Variants in ADAM12 observed in about 807,000 individuals in gnomAD.
ADAM12 encodes ADAM metallopeptidase domain 12, also known as disintegrin and metalloproteinase domain-containing protein 12.
Under a neutral mutation model 106.4 loss-of-function variants are expected in ADAM12, and 70 were observed. That is an observed-to-expected ratio of 0.66 (90% confidence interval 0.54 to 0.80). The LOEUF is 0.80. Among genes scored for constraint, ADAM12 ranks in the 30% least tolerant of loss-of-function variants. ADAM12 has a pLI of 0.00. For synonymous variants in ADAM12, 420 were observed against 433.5 expected, an observed-to-expected ratio of 0.97 and a Z score of 0.39; for missense variants, 1,010 against 1,171.9, an observed-to-expected ratio of 0.86 and a Z score of 2.02.
intron 3 of ADAM12, among the ~76,000 whole-genome samples, chr10:126,158,539 G>GGA (rs200938080): frequency 5.2e-5 from 1 of 19,116 alleles, no homozygotes; most frequent in East Asian, 4.3e-3. Context: ...CACAGAGCAC[G>GGA]GGGAGGATGC....
chr10:126,332,336 C>T (rs540131459), intron 1 of ADAM12, among the ~76,000 whole-genome samples: 108 of 152,348 alleles, frequency 7.1e-4, no homozygotes, highest in Non-Finnish European at 7.6e-4. Flanking sequence ...AGGCTTGCCT[C>T]TCTCTCCGTC....
intron 3 of ADAM12, among the ~76,000 whole-genome samples, chr10:126,267,164 C>T (rs1959112981): frequency 6.6e-6 from 1 of 152,100 alleles, no homozygotes; most frequent in Admixed American, 6.6e-5. Context: ...TAGAAAGAGT[C>T]CAGGGAAGTC....
intron 5 of ADAM12, among the ~76,000 whole-genome samples, chr10:126,123,698 A>T (rs886298947): frequency 1.3e-5 from 2 of 152,114 alleles, no homozygotes; most frequent in Non-Finnish European, 2.9e-5. Flanking sequence ...CCCAGGCGGG[A>T]CCTGTGTGCC....
In ADAM12 at chr10:126,041,539, C is replaced by T. The variant is rs116868195; in HGVS notation, c.2104+1501G>A. 7.7e-4 allele frequency: 762 copies of T among 985,804 alleles called. 9 individuals are homozygous for T. In the East Asian group the frequency reaches 0.021, roughly 27 times the overall value. 61.1% of individuals were successfully genotyped at this position (985,804 alleles called of 1,614,324 possible). Reference sequence around the variant, plus strand: ...TCCACAGCAAAGAGCCAGAGTTCACCGCCCTTTCTCCTACCTTCTTCTCCA... The same window carrying T: ...TCCACAGCAAAGAGCCAGAGTTCACTGCCCTTTCTCCTACCTTCTTCTCCA... On this transcript the variant is annotated intron_variant, in intron 18 of 22. Transcript: ENST00000448723.
chr10:126,311,918 A>C (rs1961117021), intron 2 of ADAM12, among the ~76,000 whole-genome samples: 2 of 152,076 alleles, frequency 1.3e-5, no homozygotes, highest in Non-Finnish European at 2.9e-5. Context: ...TGAGCCTGAC[A>C]AGGGGGTCAT....
intron 1 of ADAM12, among the ~76,000 whole-genome samples, chr10:126,332,765 C>T (rs1393479865): frequency 1.3e-5 from 2 of 152,040 alleles, no homozygotes; most frequent in Non-Finnish European, 1.5e-5. Context: ...AGGGAAATCA[C>T]ATGATGTGTG....
chr10:126,044,053 T>C (rs528324813), intron 17 of ADAM12, among the ~76,000 whole-genome samples: 1 of 152,296 alleles, frequency 6.6e-6, no homozygotes, highest in South Asian at 2.1e-4. Flanking sequence ...GACTCGCTAT[T>C]ATGCCAGATG....
At chr10:126,149,090 G>A (rs1674906) in intron 4 of ADAM12, among the ~76,000 whole-genome samples, 12,337 of 152,216 alleles carry the variant, frequency 0.081, 1,284 homozygotes, top group East Asian at 0.49. Context: ...GGGGAGGACC[G>A]GGGGAAGACG....
At chr10:126,067,497 A>G (rs1447529893) in intron 12 of ADAM12, among the ~76,000 whole-genome samples, 2 of 152,256 alleles carry the variant, frequency 1.3e-5, no homozygotes, top group Non-Finnish European at 2.9e-5. Context: ...CCTCTCTGAA[A>G]CAAAAGTGAG....
chr10:126,135,989 T>C (rs904121498), intron 4 of ADAM12, among the ~76,000 whole-genome samples: 3 of 152,194 alleles, frequency 2.0e-5, no homozygotes, highest in South Asian at 2.1e-4. Flanking sequence ...CATTTTACCC[T>C]CATGTAAATT....
chr10:126,354,302 ATT>A (rs1191839066), intron 1 of ADAM12, among the ~76,000 whole-genome samples: 1 of 152,128 alleles, frequency 6.6e-6, no homozygotes, highest in Non-Finnish European at 1.5e-5. Flanking sequence ...CCTAGAATAT[ATT>A]TTGCAATAAT....
rs930922516 is a variant in ADAM12, at chr10:126,064,266, C to T, written c.1609+540G>A. 1.3e-5 allele frequency among the ~76,000 whole-genome samples: 2 copies of T among 152,180 alleles called. No homozygotes were observed. The highest frequency in any genetic ancestry group is 4.8e-5 in the African/African-American group (2 of 41,444). ...CAGGCCTTCTGATTACAGACACACTCATGCTTCAAGTCTGATCAGGGCCTT... is the reference window on the plus strand; with the variant it reads ...CAGGCCTTCTGATTACAGACACACTTATGCTTCAAGTCTGATCAGGGCCTT... On this transcript the variant is annotated intron_variant, in intron 14 of 22. Transcript: ENST00000448723. This position sits in a 1 kb window ranked among gnomAD's most constrained non-coding sequence, Gnocchi z 4.4.
At chr10:126,106,120 C>T (rs1320980769) in intron 8 of ADAM12, among the ~76,000 whole-genome samples, 1 of 152,128 alleles carries the variant, frequency 6.6e-6, no homozygotes, top group African/African-American at 2.4e-5. Flanking sequence ...AACTGGCGGT[C>T]ATGTGGTCTC....
At chr10:126,060,788 C>T (rs897372549) in intron 14 of ADAM12, among the ~76,000 whole-genome samples, 2 of 152,214 alleles carry the variant, frequency 1.3e-5, no homozygotes, top group Admixed American at 1.3e-4. Context: ...TCCGCCCTCC[C>T]CTCCAGATCC....
intron 3 of ADAM12, among the ~76,000 whole-genome samples, chr10:126,176,728 T>A (rs1313362335): frequency 6.6e-6 from 1 of 152,060 alleles, no homozygotes; most frequent in African/African-American, 2.4e-5. Context: ...AAATAAAAAC[T>A]TAATTCCTAA....
chr10:126,044,285 A>AG (rs1344422760), intron 17 of ADAM12, among the ~76,000 whole-genome samples: 1 of 151,898 alleles, frequency 6.6e-6, no homozygotes, highest in Non-Finnish European at 1.5e-5. Flanking sequence ...AGATAAAAAA[A>AG]AAAAAAGTTA....
At chr10:126,183,454 A>G (rs376381814) in intron 3 of ADAM12, among the ~76,000 whole-genome samples, 4 of 152,282 alleles carry the variant, frequency 2.6e-5, no homozygotes, top group African/African-American at 9.6e-5. Flanking sequence ...CAGTCCCAGG[A>G]TGGCTACTGC....
chr10:126,173,110 G>A (rs986916573), intron 3 of ADAM12, among the ~76,000 whole-genome samples: 2 of 152,180 alleles, frequency 1.3e-5, no homozygotes, highest in South Asian at 4.1e-4. Flanking sequence ...CTGTCACAGG[G>A]TGGGAGGCTA....
intron 3 of ADAM12, among the ~76,000 whole-genome samples, chr10:126,226,517 G>A (rs1420852627): frequency 6.6e-6 from 1 of 152,230 alleles, no homozygotes; most frequent in Non-Finnish European, 1.5e-5. Context: ...GGATTGGGCT[G>A]TCGACTCTGA....
Sources: allele counts gnomAD v4.1 joint callset (sites outside exome capture counted in the v4.1 genomes callset), GRCh38; gene constraint gnomAD v4.1.1; non-coding constraint Gnocchi (gnomAD v3.1); transcripts MANE v1.5; gene names NCBI Gene and HGNC (gene_info 2026-07-23, HGNC 2026-07-21).